Variants in PDE4C observed in about 807,000 individuals in gnomAD.
PDE4C encodes phosphodiesterase 4C, also known as 3',5'-cyclic-AMP phosphodiesterase 4C.
In PDE4C, 50 loss-of-function variants were observed where a neutral mutation model predicts 63.9. That is an observed-to-expected ratio of 0.78 (90% confidence interval 0.62 to 0.99). The LOEUF is 0.99. Among genes scored for constraint, PDE4C ranks in the 50% least tolerant of loss-of-function variants. PDE4C has a pLI of 0.00. For missense variants in PDE4C, 777 were observed against 899.1 expected (o/e 0.86, Z 1.74); for synonymous variants, 377 against 385.1 (o/e 0.98, Z 0.25).
chr19:18,221,611 T>G (rs1354504118), intron 2 of PDE4C, among the ~76,000 whole-genome samples: 2 of 29,580 alleles, frequency 6.8e-5, no homozygotes, highest in South Asian at 5.2e-4. Flanking sequence ...CTTAATGGTT[T>G]GTTTGTTTGT....
In PDE4C at chr19:18,233,463, ACC is replaced by A. The variant is rs35421958; in HGVS notation, c.-274_-273del. 49 of 654,588 alleles carry A rather than the reference ACC, an allele frequency of 7.5e-5. 1 individual carries two copies. The highest frequency in any genetic ancestry group is 1.5e-4 in the East Asian group (5 of 33,498). 40.5% of individuals were successfully genotyped at this position (654,588 alleles called of 1,614,324 possible). ...GGTGTTGAAGCTAGGGGCTGAAGAG[ACC>A]CCCCCCCAACACACCAGCCCCGAAA... On this transcript the variant is annotated 5_prime_UTR_variant, in exon 1 of 15. Coordinates refer to the PDE4C transcript ENST00000594465.
At chr19:18,233,987 G>C (rs570021156), upstream of PDE4C, among the ~76,000 whole-genome samples, 1 of 152,208 alleles carries the variant, frequency 6.6e-6, no homozygotes, top group African/African-American at 2.4e-5. Context: ...CCCATGCCAG[G>C]CAGGGATATG....
At chr19:18,217,158 G>GTTT (rs11459367) in intron 11 of PDE4C, 122 of 262,164 alleles carry the variant, frequency 4.7e-4, no homozygotes, top group Non-Finnish European at 5.9e-4. Flanking sequence ...ACTCAGTAAT[G>GTTT]TTTTTTTTTT....
chr19:18,248,413 G>A (rs1055839767), upstream of PDE4C, among the ~76,000 whole-genome samples: 2 of 150,680 alleles, frequency 1.3e-5, no homozygotes, highest in African/African-American at 4.9e-5. Context: ...CCAAGAGGGT[G>A]GCCGGGCATG....
At chr19:18,238,330 G>A (rs1968987499), upstream of PDE4C, among the ~76,000 whole-genome samples, 1 of 151,240 alleles carries the variant, frequency 6.6e-6, no homozygotes, top group Non-Finnish European at 1.5e-5. Context: ...CCATCTCCCA[G>A]GTTCAAGTGA....
At chr19:18,229,177 T>C (rs894288279), upstream of PDE4C, among the ~76,000 whole-genome samples, 1 of 148,924 alleles carries the variant, frequency 6.7e-6, no homozygotes, top group Non-Finnish European at 1.5e-5. Context: ...CTCGAACTCC[T>C]GACTTCAGGT....
chr19:18,226,404 G>A (rs1199386374), exon 1 of PDE4C: 3 of 1,444,594 alleles, frequency 2.1e-6, no homozygotes, highest in Admixed American at 5.5e-5. Context: ...CGGGCGCGGG[G>A]GGGCCCTGCA....
intron 1 of PDE4C, among the ~76,000 whole-genome samples, chr19:18,224,009 C>T (rs934810383): frequency 2.6e-5 from 4 of 152,198 alleles, no homozygotes; most frequent in East Asian, 3.9e-4. Flanking sequence ...CCTAGGCTCC[C>T]CCACTCCTCC....
intron 3 of PDE4C, 32 bp downstream of exon 3, chr19:18,221,229 G>T: frequency 6.4e-7 from 1 of 1,557,840 alleles, no homozygotes; most frequent in Non-Finnish European, 8.6e-7. Context: ...GATCCGGAGG[G>T]GGTCAGGGCA....
At position 18,232,400 on chromosome 19, in the gene PDE4C, TGTGTGTGTGC is replaced by T. The variant is rs1231433335; in HGVS notation, c.242+540_242+549del. 4.0e-5 allele frequency among the ~76,000 whole-genome samples: 6 copies of T among 148,964 alleles called. No homozygotes were observed. In the East Asian group the frequency reaches 1.2e-3, roughly 30 times the overall value. ...GTGTGTGTGTGTGTGTGTGTGTGTG[TGTGTGTGTGC>T]GTGTGTGTGTGTATTTATATCCAAG... On this transcript the variant is annotated intron_variant, in intron 1 of 14. Transcript: ENST00000594465.
At chr19:18,224,661 G>T (rs1968647778) in intron 1 of PDE4C, among the ~76,000 whole-genome samples, 2 of 152,342 alleles carry the variant, frequency 1.3e-5, no homozygotes, top group African/African-American at 2.4e-5. Flanking sequence ...GGGCATGTTC[G>T]GTCACGTCCG....
In PDE4C at chr19:18,218,107, G is replaced by C. The variant is rs578151861; in HGVS notation, c.1234+42C>G. 1.4e-5 allele frequency: 21 copies of C among 1,449,372 alleles called. No individual in the cohort carries two copies. The African/African-American group carries it at 2.8e-4, about 19-fold the overall frequency. 89.8% of individuals were successfully genotyped at this position (1,449,372 alleles called of 1,614,324 possible). On this transcript the variant is annotated intron_variant, in intron 11 of 14. Transcript: ENST00000262805. ...CACCTGGTGGACAGGGTGGAGGCAG[G>C]GTCCACCTCTTCTCCTGCACCCACT...
upstream of PDE4C, among the ~76,000 whole-genome samples, chr19:18,236,275 TG>T (rs1968949669): frequency 6.6e-6 from 1 of 151,158 alleles, no homozygotes; most frequent in Non-Finnish European, 1.5e-5. Context: ...TGTCTTGCTC[TG>T]TCACCCAGGT....
chr19:18,239,840 A>C (rs991079206), intron 1 of PDE4C, among the ~76,000 whole-genome samples: 1 of 152,088 alleles, frequency 6.6e-6, no homozygotes, highest in Admixed American at 6.5e-5. Flanking sequence ...AGCCTGACCA[A>C]CATGGCAAAA....
intron 1 of PDE4C, among the ~76,000 whole-genome samples, chr19:18,242,132 C>G (rs768862546): frequency 2.0e-5 from 3 of 152,152 alleles, no homozygotes; most frequent in South Asian, 2.1e-4. Flanking sequence ...GCAGAAGGAA[C>G]AGCACCTGCG....
At chr19:18,227,322 A>G (rs922495093), upstream of PDE4C, among the ~76,000 whole-genome samples, 2 of 151,200 alleles carry the variant, frequency 1.3e-5, no homozygotes, top group African/African-American at 4.9e-5. Context: ...CTCTCCCAGC[A>G]CCCCTCCACG....
chr19:18,239,256 G>A (rs1047958057), intron 1 of PDE4C, among the ~76,000 whole-genome samples: 1 of 152,194 alleles, frequency 6.6e-6, no homozygotes, highest in Non-Finnish European at 1.5e-5. Context: ...CTTCAGTGCC[G>A]AGTTCCTTGA....
At chr19:18,246,010 A>ATTT (rs752230825) in intron 1 of PDE4C, among the ~76,000 whole-genome samples, 10,048 of 127,524 alleles carry the variant, frequency 0.079, 738 homozygotes, top group East Asian at 0.33. Context: ...TGCCCAGCTA[A>ATTT]TTTTTTTTTT....
upstream of PDE4C, among the ~76,000 whole-genome samples, chr19:18,227,326 C>T (rs1968760380): frequency 6.6e-6 from 1 of 152,156 alleles, no homozygotes; most frequent in Non-Finnish European, 1.5e-5. Context: ...CCCAGCACCC[C>T]TCCACGCAAC....
Sources: allele counts gnomAD v4.1 joint callset (sites outside exome capture counted in the v4.1 genomes callset), GRCh38; gene constraint gnomAD v4.1.1; transcripts MANE v1.5; gene names NCBI Gene and HGNC (gene_info 2026-07-23, HGNC 2026-07-21).